Variants in FRMD4A observed in about 807,000 individuals in gnomAD.
FRMD4A encodes FERM domain-containing protein 4A.
Under a neutral mutation model 129.1 loss-of-function variants are expected in FRMD4A, and 29 were observed. That is an observed-to-expected ratio of 0.22 (90% CI 0.17 to 0.31). The LOEUF is 0.31. FRMD4A is among the 10% of genes least tolerant of loss of function. The pLI, the probability that FRMD4A is intolerant of heterozygous loss-of-function variation, is 1.00. For missense variants in FRMD4A, 1,272 were observed against 1,375.8 expected, an observed-to-expected ratio of 0.92 and a Z score of 1.19; for synonymous variants, 634 against 571.6, an observed-to-expected ratio of 1.11 and a Z score of -1.56.
intron 2 of FRMD4A, among the ~76,000 whole-genome samples, chr10:14,176,279 A>T (rs1841723138): frequency 6.6e-6 from 1 of 152,020 alleles, no homozygotes; most frequent in Non-Finnish European, 1.5e-5. Flanking sequence ...TGCATTATTC[A>T]TACCAACCTC....
intron 2 of FRMD4A, among the ~76,000 whole-genome samples, chr10:14,105,179 T>C (rs1206750429): frequency 6.6e-6 from 1 of 152,222 alleles, no homozygotes; most frequent in Non-Finnish European, 1.5e-5. Flanking sequence ...GTAGCTCTTT[T>C]CATGGTCACT....
At chr10:13,723,098 G>A (rs1237585787) in intron 12 of FRMD4A, among the ~76,000 whole-genome samples, 1 of 151,230 alleles carries the variant, frequency 6.6e-6, no homozygotes, top group Non-Finnish European at 1.5e-5. Context: ...TAGTTTTTAT[G>A]TTGGTTAGCT....
intron 2 of FRMD4A, among the ~76,000 whole-genome samples, chr10:14,293,815 G>A (rs554725132): frequency 3.0e-4 from 46 of 152,268 alleles, no homozygotes; most frequent in Non-Finnish European, 6.0e-4. Context: ...TGTCACACTC[G>A]TGAAAATATG....
chr10:14,139,314 T>C (rs1839712064), intron 2 of FRMD4A, among the ~76,000 whole-genome samples: 1 of 152,242 alleles, frequency 6.6e-6, no homozygotes, highest in East Asian at 1.9e-4. Flanking sequence ...AACTGTGTCA[T>C]TCCACTTTTT....
chr10:13,828,359 G>A (rs1243054832), intron 3 of FRMD4A, among the ~76,000 whole-genome samples: 1 of 151,960 alleles, frequency 6.6e-6, no homozygotes, highest in Non-Finnish European at 1.5e-5. Context: ...CACACTCCAC[G>A]TCCACGTGTG....
chr10:13,700,193 C>G (rs916713513), intron 14 of FRMD4A, among the ~76,000 whole-genome samples: 1 of 151,840 alleles, frequency 6.6e-6, no homozygotes, highest in Non-Finnish European at 1.5e-5. Context: ...AGTGATCCTC[C>G]TGCCTTGGCC....
chr10:14,071,870 A>G (rs1422252609), intron 2 of FRMD4A, among the ~76,000 whole-genome samples: 1 of 152,178 alleles, frequency 6.6e-6, no homozygotes, highest in African/African-American at 2.4e-5. Context: ...TGGATGAAGT[A>G]GGAGCCTGCA....
intron 2 of FRMD4A, among the ~76,000 whole-genome samples, chr10:13,932,487 C>A (rs747847769): frequency 6.6e-6 from 1 of 152,098 alleles, no homozygotes; most frequent in East Asian, 1.9e-4. Flanking sequence ...GAGGAGAAGG[C>A]GGGGCAGTCT....
At chr10:13,853,682 A>C (rs2094170502) in intron 3 of FRMD4A, among the ~76,000 whole-genome samples, 1 of 151,820 alleles carries the variant, frequency 6.6e-6, no homozygotes, top group South Asian at 2.1e-4. Context: ...AAAAATACAA[A>C]AGTAGCTGGG....
At chr10:13,776,517 A>G (rs1388877034) in intron 6 of FRMD4A, among the ~76,000 whole-genome samples, 2 of 152,244 alleles carry the variant, frequency 1.3e-5, no homozygotes, top group Non-Finnish European at 2.9e-5. Context: ...ACTAGAAGAA[A>G]CAGCTAAAAC....
At chr10:14,306,530 C>T (rs1039469033) in intron 2 of FRMD4A, among the ~76,000 whole-genome samples, 1 of 152,178 alleles carries the variant, frequency 6.6e-6, no homozygotes, top group Admixed American at 6.5e-5. Context: ...AATAGCAGGT[C>T]CTGAGCAACT....
chr10:13,880,407 A>T (rs2094533509), intron 2 of FRMD4A, among the ~76,000 whole-genome samples: 1 of 152,204 alleles, frequency 6.6e-6, no homozygotes, highest in South Asian at 2.1e-4. Flanking sequence ...CATCACCGTC[A>T]TCATCATCAT....
intron 2 of FRMD4A, among the ~76,000 whole-genome samples, chr10:14,036,550 T>C (rs1413212493): frequency 6.6e-6 from 1 of 152,204 alleles, no homozygotes; most frequent in Non-Finnish European, 1.5e-5. Context: ...TGGGTGATGC[T>C]ACCCACTTCC....
chr10:14,146,874 TGAG>T (rs1840101868), intron 2 of FRMD4A, among the ~76,000 whole-genome samples: 1 of 152,200 alleles, frequency 6.6e-6, no homozygotes, highest in African/African-American at 2.4e-5. Flanking sequence ...CGTAATCAGT[TGAG>T]GCAAATGACA....
chr10:14,087,988 G>T (rs1836395590), intron 2 of FRMD4A, among the ~76,000 whole-genome samples: 1 of 152,138 alleles, frequency 6.6e-6, no homozygotes, highest in South Asian at 2.1e-4. Flanking sequence ...GGAGGAATTG[G>T]ATTCCTTTAT....
At chr10:13,951,418 A>G (rs1307102095) in intron 2 of FRMD4A, among the ~76,000 whole-genome samples, 4 of 152,132 alleles carry the variant, frequency 2.6e-5, no homozygotes, top group African/African-American at 7.2e-5. Context: ...TGCAGACTCA[A>G]AGGAAAACTA....
intron 5 of FRMD4A, among the ~76,000 whole-genome samples, chr10:13,784,783 A>C (rs1396812807): frequency 6.6e-6 from 1 of 152,152 alleles, no homozygotes; most frequent in African/African-American, 2.4e-5. Flanking sequence ...TGAGGTCAGG[A>C]GTTCGAAACC....
intron 3 of FRMD4A, among the ~76,000 whole-genome samples, chr10:13,849,638 C>G (rs1023017075): frequency 1.3e-5 from 2 of 151,558 alleles, no homozygotes; most frequent in African/African-American, 4.8e-5. Flanking sequence ...CACCACCATG[C>G]CCGGCTAATT....
At chr10:13,968,457 A>G (rs2095498447) in intron 2 of FRMD4A, among the ~76,000 whole-genome samples, 1 of 152,074 alleles carries the variant, frequency 6.6e-6, no homozygotes, top group Non-Finnish European at 1.5e-5. Flanking sequence ...TCCATCGCTT[A>G]TTTTATTTTT....
Sources: gnomAD v4.1 joint callset for allele counts (sites outside exome capture counted in the v4.1 genomes callset) on GRCh38, gnomAD v4.1.1 for gene constraint, MANE v1.5 for transcripts, NCBI Gene and HGNC (gene_info 2026-07-23, HGNC 2026-07-21) for gene names.